The following SYTL3 variants were observed in gnomAD, a reference collection of about 807,000 sequenced individuals.
SYTL3 encodes synaptotagmin-like protein 3.
A neutral mutation model predicts 82.1 loss-of-function variants in SYTL3; 88 were observed. That is an observed-to-expected ratio of 1.07 (90% confidence interval 0.90 to 1.28). The LOEUF (loss-of-function observed/expected upper bound fraction) is 1.28, where lower values mean the gene tolerates loss of function less well. SYTL3 is among the 50% of genes most tolerant of loss of function. The probability of loss-of-function intolerance (pLI) is 0.00; values close to 1 mark genes in which losing one functional copy is unlikely to be tolerated. For synonymous variants in SYTL3, 311 were observed against 289.4 expected (o/e 1.07, Z -0.76); for missense variants, 831 against 757.6 (o/e 1.10, Z -1.14).
At chr6:158,717,076 G>A (rs1003026391) in intron 9 of SYTL3, among the ~76,000 whole-genome samples, 2 of 152,168 alleles carry the variant, frequency 1.3e-5, no homozygotes, top group African/African-American at 4.8e-5. Context: ...GAGCTCAGGA[G>A]TTCGAGACCA....
At position 158,694,779 on chromosome 6, in the gene SYTL3, C is replaced by A. The variant is rs1452689941; in HGVS notation, c.394+11790C>A. 2.0e-5 allele frequency among the ~76,000 whole-genome samples: 3 copies of A among 152,266 alleles called. No individual in the cohort carries two copies. In the East Asian group the frequency reaches 5.8e-4, roughly 29 times the overall value. ...CGATGCTTTCTGAGCGCCTGCGTTC[C>A]TTCCAGGCCTGCTTCTTTGTCTGTA... On this transcript the variant is annotated intron_variant, in intron 6 of 17. Coordinates refer to ENST00000611299, the MANE Select transcript of SYTL3 (RefSeq NM_001242394.2).
Position 158,663,346 on chromosome 6 carries a change from G to A in SYTL3, c.78G>A (p.Gln26=), listed in dbSNP as rs746637702. 1.2e-6 allele frequency: 2 copies of A among 1,614,072 alleles called. No homozygotes were observed. The highest frequency in any genetic ancestry group is 1.7e-5 in the Admixed American group (1 of 60,032). ...EAILQVLYRD[Q]AVQNTEEERT... ...TTCTCCAGGTCCTGTACCGAGACCA[G>A]GCGGTTCAAAACACAGAGGAGGAGA... Residue 26 remains glutamine, a synonymous_variant, in exon 4 of 18, where the codon CAG becomes CAA. Coordinates refer to ENST00000611299, the MANE Select transcript of SYTL3 (RefSeq NM_001242394.2).
rs1018373915 is a variant in SYTL3, at chr6:158,748,074, T to G, written c.1034+2416T>G. Reference sequence around the variant, plus strand: ...TACGTTCTCTGGTTTCTTCTTATCGTTTTTTTTTTTTTTTCCCCACACTTA... The same window carrying G: ...TACGTTCTCTGGTTTCTTCTTATCGGTTTTTTTTTTTTTTCCCCACACTTA... On this transcript the variant is annotated intron_variant, in intron 12 of 17. Coordinates refer to ENST00000611299, the MANE Select transcript of SYTL3 (RefSeq NM_001242394.2). 3.6e-5 allele frequency among the ~76,000 whole-genome samples: 4 copies of G among 110,046 alleles called. No homozygotes were observed. In the South Asian group the frequency reaches 1.2e-3, roughly 33 times the overall value. The allele number at this position is 110,046 out of a possible 152,430, so 72.2% of individuals were successfully genotyped here.
At chr6:158,735,009 TGGGGAGTCCATACC>T (rs1238311499) in intron 11 of SYTL3, among the ~76,000 whole-genome samples, 1 of 152,162 alleles carries the variant, frequency 6.6e-6, no homozygotes, top group Non-Finnish European at 1.5e-5. Flanking sequence ...ACCAGGGGCC[TGGGGAGTCCATACC>T]GGGGAGTCCA....
At chr6:158,761,158 G>T (rs746508214) in intron 15 of SYTL3, among the ~76,000 whole-genome samples, 9 of 152,142 alleles carry the variant, frequency 5.9e-5, no homozygotes, top group South Asian at 2.1e-4. Flanking sequence ...GGTAGCTGCT[G>T]CCCAGCAAAA....
At position 158,674,502 on chromosome 6, in the gene SYTL3, C is replaced by T. The variant is rs538817944; in HGVS notation, c.330-8423C>T. 8.2e-4 allele frequency among the ~76,000 whole-genome samples: 125 copies of T among 152,308 alleles called. 1 individual carries two copies. Among genetic ancestry groups the T allele is most frequent in the African/African-American group, 2.7e-3 (113 of 41,566 alleles). On this transcript the variant is annotated intron_variant, in intron 5 of 17. Coordinates refer to ENST00000611299, the MANE Select transcript of SYTL3 (RefSeq NM_001242394.2). ...ATGTACCCTGACTATGGCATTTTATCGGAAGCTCTTGGTTGTCTCTTTAGA... is the reference window on the plus strand; with the variant it reads ...ATGTACCCTGACTATGGCATTTTATTGGAAGCTCTTGGTTGTCTCTTTAGA...
intron 13 of SYTL3, among the ~76,000 whole-genome samples, chr6:158,753,558 G>A (rs923310535): frequency 3.0e-4 from 46 of 151,558 alleles, no homozygotes; most frequent in Admixed American, 2.4e-3. Flanking sequence ...GTGAAACCCC[G>A]TCTCTACTAA....
chr6:158,682,285 A>G (rs185131182), intron 5 of SYTL3, among the ~76,000 whole-genome samples: 18 of 147,848 alleles, frequency 1.2e-4, no homozygotes, highest in Admixed American at 2.7e-4. Flanking sequence ...CTCTTTGTGT[A>G]TTTGTTCACA....
chr6:158,689,005 G>T (rs1779576987), intron 6 of SYTL3, among the ~76,000 whole-genome samples: 1 of 152,116 alleles, frequency 6.6e-6, no homozygotes, highest in Non-Finnish European at 1.5e-5. Flanking sequence ...AATATCATTG[G>T]CTATATGATT....
At chr6:158,761,471 TTTTTG>T (rs1197441495) in intron 15 of SYTL3, among the ~76,000 whole-genome samples, 2 of 151,308 alleles carry the variant, frequency 1.3e-5, no homozygotes, top group Non-Finnish European at 2.9e-5. Context: ...CCCGGCTAAT[TTTTTG>T]TTTTTTTTCT....
At position 158,707,269 on chromosome 6, in the gene SYTL3, A is replaced by C; in HGVS notation, c.434A>C (p.Tyr145Ser). 6.2e-7 allele frequency: 1 copy of C among 1,613,942 alleles called. No individual in the cohort carries two copies. Among genetic ancestry groups the C allele is most frequent in the Non-Finnish European group, 8.5e-7 (1 of 1,180,038 alleles). ...GTTGGAGGGCAGCTCTTGCAATCTT[A>C]TCAGAAGCTGAGGTGAGTGTTACAA... ...ETVGGQLLQS[Y>S]QKLSKISVVP... is the part of the protein sequence containing the mutation. Residue 145 changes from tyrosine (Y) to serine (S), a missense_variant, in exon 7 of 18, where the codon TAT becomes TCT. Physicochemically the swap from Tyr to Ser is moderately radical, Grantham distance 144. Transcript: ENST00000611299.
intron 11 of SYTL3, among the ~76,000 whole-genome samples, chr6:158,743,779 G>C (rs1309636650): frequency 6.6e-6 from 1 of 151,522 alleles, no homozygotes; most frequent in Non-Finnish European, 1.5e-5. Context: ...ATTTTACATT[G>C]TTTTCCATTT....
intron 5 of SYTL3, among the ~76,000 whole-genome samples, chr6:158,681,548 G>A (rs1778699696): frequency 6.6e-6 from 1 of 152,014 alleles, no homozygotes. Context: ...TGTGGTGGCG[G>A]GCACCTGTAG....
intron 11 of SYTL3, among the ~76,000 whole-genome samples, chr6:158,739,821 G>A (rs1182458079): frequency 2.6e-5 from 4 of 152,052 alleles, no homozygotes; most frequent in Non-Finnish European, 4.4e-5. Flanking sequence ...GGCCCTGTAT[G>A]TCTCTTATAC....
chr6:158,736,196 A>G (rs541949862), intron 11 of SYTL3, among the ~76,000 whole-genome samples: 1 of 152,176 alleles, frequency 6.6e-6, no homozygotes, highest in South Asian at 2.1e-4. Context: ...CTAAAAATAC[A>G]AAAAATTAGC....
rs528741821 is a variant in SYTL3, at chr6:158,674,436, T to C, written c.330-8489T>C. Among the ~76,000 whole-genome samples, 4 of 152,324 alleles carry C rather than the reference T, an allele frequency of 2.6e-5. No individual in the cohort carries two copies. The East Asian group carries it at 7.7e-4, about 29-fold the overall frequency. ...AAAGTTCCCTCTGGTTCCACGGTGA[T>C]GCACGGTCACAGAGGCTGCTGGCCT... On this transcript the variant is annotated intron_variant, in intron 5 of 17. Transcript: ENST00000611299.
At chr6:158,687,329 G>A (rs966578158) in intron 6 of SYTL3, among the ~76,000 whole-genome samples, 1 of 152,202 alleles carries the variant, frequency 6.6e-6, no homozygotes, top group Non-Finnish European at 1.5e-5. Flanking sequence ...GGCTGCTTGA[G>A]TGTCCTCATG....
rs369900179 is a variant in SYTL3 at position 158,658,679 on chromosome 6, C to G, written c.-636-2590C>G. On this transcript the variant is annotated intron_variant, in intron 2 of 17. Transcript: ENST00000611299. ...GTAGCTCACGCCTATAATCCCAGCA[C>G]TTTGGGAGGTCGAGGTGGGAGGATC... Among the ~76,000 whole-genome samples, 40 of 152,222 alleles carry G rather than the reference C, an allele frequency of 2.6e-4. No individual in the cohort carries two copies. The South Asian group carries it at 8.3e-3, about 32-fold the overall frequency.
intron 11 of SYTL3, among the ~76,000 whole-genome samples, chr6:158,732,550 A>G (rs1377096069): frequency 6.6e-6 from 1 of 152,236 alleles, no homozygotes; most frequent in Non-Finnish European, 1.5e-5. Context: ...ACAGCCTAGG[A>G]TAGTAAACTG....
Sources: gnomAD v4.1 joint callset for allele counts (sites outside exome capture counted in the v4.1 genomes callset) on GRCh38, gnomAD v4.1.1 for gene constraint, MANE v1.5 for transcripts, NCBI Gene and HGNC (gene_info 2026-07-23, HGNC 2026-07-21) for gene names.